Variants in HSD17B7 observed in about 807,000 individuals in gnomAD.
The protein encoded by HSD17B7 is 3-keto-steroid reductase/17-beta-hydroxysteroid dehydrogenase 7.
Under a neutral mutation model 34.1 loss-of-function variants are expected in HSD17B7, and 17 were observed. The ratio of observed to expected loss-of-function variants is 0.50; its 90% CI spans 0.34 to 0.75. The LOEUF (loss-of-function observed/expected upper bound fraction) is 0.75, where lower values mean the gene tolerates loss of function less well. Ranked by LOEUF, HSD17B7 falls within the 30% of genes least tolerant of loss-of-function variation. The pLI, the probability that HSD17B7 is intolerant of heterozygous loss-of-function variation, is 0.01. For synonymous variants in HSD17B7, 122 were observed against 154.6 expected (o/e 0.79, Z 1.56); for missense variants, 296 against 406.6 (o/e 0.73, Z 2.34).
At chr1:162,810,789 T>C (rs1649148103) in intron 8 of HSD17B7, among the ~76,000 whole-genome samples, 1 of 152,218 alleles carries the variant, frequency 6.6e-6, no homozygotes. Flanking sequence ...TTTTTTGTTT[T>C]CCATTTGCTT....
At position 162,803,524 on chromosome 1, in the gene HSD17B7, G is replaced by A. The variant is rs1648885477; in HGVS notation, c.736G>A (p.Ala246Thr). 6.2e-7 allele frequency: 1 copy of A among 1,612,120 alleles called. No homozygotes were observed. The change falls in exon 6 of 9, where the codon GCA becomes ACA. Residue 246 changes from alanine (A) to threonine (T), a missense_variant. Transcript: ENST00000254521. ...GTTTATATGGACGCTGTTGATGCCG[G>A]CAATATTGCTAGTAAGTGATGAATA... ...PPFIWTLLMPAILLLRFFANA... is the reference protein window; with the variant it reads ...PPFIWTLLMPTILLLRFFANA...
rs1400810934 is a variant in HSD17B7, at chr1:162,812,480, G to A, written c.*60G>A. The A allele has an allele frequency of 5.4e-6, 8 of 1,494,226 alleles. No individual in the cohort carries two copies. Among genetic ancestry groups the A allele is most frequent in the Non-Finnish European group, 6.3e-6 (7 of 1,102,670 alleles). 92.6% of individuals were successfully genotyped at this position (1,494,226 alleles called of 1,614,324 possible). A position where few individuals can be genotyped will look rare whatever the true frequency, so the allele number is the denominator to read the frequency against. On this transcript the variant is annotated 3_prime_UTR_variant, in exon 9 of 9. Transcript: ENST00000254521. ...ACTTGAGACCAGGAGTTCAAGACCA[G>A]CCTGAGAAACATAGTGAGCCCTTGT...
rs773491571 is a variant in HSD17B7, at chr1:162,792,690, C to A, written c.67C>A (p.Leu23Met). 6.2e-7 allele frequency: 1 copy of A among 1,613,848 alleles called. No individual in the cohort carries two copies. The highest frequency in any genetic ancestry group is 1.7e-5 in the Admixed American group (1 of 59,990). ...TGGCCTGGCCCTCTGCAAGCGGCTGCTGGCGGAAGATGATGAGCTTCATCT... is the reference window on the plus strand; with the variant it reads ...TGGCCTGGCCCTCTGCAAGCGGCTGATGGCGGAAGATGATGAGCTTCATCT... The part of the protein sequence containing the change: ...GIGLALCKRL[L>M]AEDDELHLCL... Residue 23 changes from leucine to methionine, a missense_variant, in exon 2 of 9, where the codon CTG (leucine) becomes ATG (methionine). By Grantham distance (15) the Leu-to-Met change is conservative. Transcript: ENST00000254521.
chr1:162,801,804 C>T (rs1437839466), intron 5 of HSD17B7, among the ~76,000 whole-genome samples: 1 of 152,144 alleles, frequency 6.6e-6, no homozygotes, highest in African/African-American at 2.4e-5. Context: ...CTTGTCACAA[C>T]TGCTTCCTGA....
intron 8 of HSD17B7, among the ~76,000 whole-genome samples, chr1:162,808,718 C>G (rs542375292): frequency 6.6e-6 from 1 of 152,124 alleles, no homozygotes; most frequent in Non-Finnish European, 1.5e-5. Context: ...ATATTTTATT[C>G]TCTTTGAAGC....
rs181183638 is a variant in HSD17B7 at position 162,792,800 on chromosome 1, T to G, written c.177T>G (p.Ile59Met). The G allele has an allele frequency of 9.9e-6, 16 of 1,614,106 alleles. 1 individual carries two copies. The East Asian group carries it at 3.3e-4, about 34-fold the overall frequency. The part of the protein sequence containing the change: ...LASHPTAEVT[I>M]VQVDVSNLQS... ...CTCACCCCACTGCTGAGGTCACCAT[T>G]GTCCAGGTGGATGTCAGCAACCTGC... The change falls in exon 2 of 9, where the codon ATT (isoleucine) becomes ATG (methionine). Residue 59 changes from isoleucine (I) to methionine (M), a missense_variant. Coordinates refer to ENST00000254521, the MANE Select transcript of HSD17B7 (RefSeq NM_016371.4).
At chr1:162,801,184 C>G (rs1035347848) in intron 5 of HSD17B7, among the ~76,000 whole-genome samples, 3 of 152,132 alleles carry the variant, frequency 2.0e-5, no homozygotes, top group African/African-American at 4.8e-5. Flanking sequence ...CTATGTTGGC[C>G]AAGCTGGTCT....
intron 8 of HSD17B7, among the ~76,000 whole-genome samples, chr1:162,809,365 G>T (rs375900546): frequency 1.3e-5 from 2 of 152,198 alleles, no homozygotes; most frequent in East Asian, 3.8e-4. Context: ...GCTGGATTCG[G>T]TTTGCCAGTA....
In HSD17B7 at chr1:162,805,583, C is replaced by T. The variant is rs1220597900; in HGVS notation, c.903+91C>T. 30 of 1,535,090 alleles carry T rather than the reference C, an allele frequency of 2.0e-5. No individual in the cohort carries two copies. In the East Asian group the frequency reaches 2.1e-4, roughly 11 times the overall value. Reference sequence around the variant, plus strand: ...GACCAGCCCCTCAGCCCCCCAGCTTCGCTTCTCTGGGTACTCACTGTTCAC... The same window carrying T: ...GACCAGCCCCTCAGCCCCCCAGCTTTGCTTCTCTGGGTACTCACTGTTCAC... On this transcript the variant is annotated intron_variant, in intron 8 of 8. Transcript: ENST00000254521.
intron 1 of HSD17B7, among the ~76,000 whole-genome samples, chr1:162,792,052 A>G (rs949376951): frequency 2.4e-4 from 36 of 152,228 alleles, no homozygotes; most frequent in Admixed American, 2.2e-3. Flanking sequence ...GTGTATTCCT[A>G]CCTTCTACTT....
At chr1:162,810,528 C>T (rs1649140267) in intron 8 of HSD17B7, among the ~76,000 whole-genome samples, 1 of 152,174 alleles carries the variant, frequency 6.6e-6, no homozygotes, top group Admixed American at 6.5e-5. Context: ...TCTTGTTGAT[C>T]TGTCTAATGT....
chr1:162,797,978 G>T, intron 4 of HSD17B7, 62 bp downstream of exon 4: 4 of 1,577,426 alleles, frequency 2.5e-6, no homozygotes, highest in Non-Finnish European at 3.5e-6. Flanking sequence ...AAAGCTCTGG[G>T]CACAGGGCAT....
At chr1:162,804,419 T>C in intron 7 of HSD17B7, 96 bp downstream of exon 7, 1 of 798,634 alleles carries the variant, frequency 1.3e-6, no homozygotes, top group South Asian at 1.7e-5. Flanking sequence ...GAAAAGATAA[T>C]AAGAGAATAA....
At chr1:162,805,955 G>A (rs1037751145) in intron 8 of HSD17B7, among the ~76,000 whole-genome samples, 27 of 152,090 alleles carry the variant, frequency 1.8e-4, no homozygotes, top group Non-Finnish European at 3.2e-4. Flanking sequence ...GAAATATGAA[G>A]TGTTTTTCTG....
At chr1:162,806,299 A>G (rs1243333881) in intron 8 of HSD17B7, among the ~76,000 whole-genome samples, 2 of 152,192 alleles carry the variant, frequency 1.3e-5, no homozygotes, top group Admixed American at 6.5e-5. Context: ...AGGTAAGTCA[A>G]GTAACCGGCA....
chr1:162,810,333 G>T (rs1166853292), intron 8 of HSD17B7, among the ~76,000 whole-genome samples: 1 of 152,158 alleles, frequency 6.6e-6, no homozygotes, highest in East Asian at 1.9e-4. Flanking sequence ...TATAATTTCT[G>T]TTCTTCCACA....
intron 8 of HSD17B7, among the ~76,000 whole-genome samples, chr1:162,810,244 A>G (rs1263729630): frequency 1.3e-5 from 2 of 152,278 alleles, no homozygotes; most frequent in Non-Finnish European, 2.9e-5. Context: ...TTCAGTTTCC[A>G]TGTAGTTGAG....
rs1649199460 is a variant in HSD17B7 at position 162,812,511 on chromosome 1, C to A, written c.*91C>A. 2 of 1,181,552 alleles carry A rather than the reference C, an allele frequency of 1.7e-6. No homozygotes were observed. The highest frequency in any genetic ancestry group is 2.3e-6 in the Non-Finnish European group (2 of 855,806). 73.2% of individuals were successfully genotyped at this position (1,181,552 alleles called of 1,614,324 possible). Reference sequence around the variant, plus strand: ...GAAACATAGTGAGCCCTTGTCTCTACAAAAAGAAATAAAAATAATAGCTGG... The same window carrying A: ...GAAACATAGTGAGCCCTTGTCTCTAAAAAAAGAAATAAAAATAATAGCTGG... On this transcript the variant is annotated 3_prime_UTR_variant, in exon 9 of 9. Coordinates refer to ENST00000254521, the MANE Select transcript of HSD17B7 (RefSeq NM_016371.4).
chr1:162,799,134 C>T (rs1371437517), intron 4 of HSD17B7, among the ~76,000 whole-genome samples: 13 of 66,994 alleles, frequency 1.9e-4, no homozygotes, highest in Non-Finnish European at 2.4e-4. Context: ...GTCAGTTCTC[C>T]TTTATTTATG....
Sources: gnomAD v4.1 joint callset for allele counts (sites outside exome capture counted in the v4.1 genomes callset) on GRCh38, gnomAD v4.1.1 for gene constraint, MANE v1.5 for transcripts, NCBI Gene and HGNC (gene_info 2026-07-23, HGNC 2026-07-21) for gene names.